The following KIAA1217 variants were observed in gnomAD, a reference collection of about 807,000 sequenced individuals.
KIAA1217 encodes the protein KIAA1217, also known as sickle tail protein homolog.
Under a neutral mutation model 163.9 loss-of-function variants are expected in KIAA1217, and 88 were observed. The observed-to-expected ratio is 0.54, with a 90% CI of 0.45 to 0.64. The LOEUF is 0.64. Ranked by LOEUF, KIAA1217 falls within the 30% of genes least tolerant of loss-of-function variation. The pLI is 0.00. For synonymous variants in KIAA1217, 903 were observed against 923.1 expected, an observed-to-expected ratio of 0.98 and a Z score of 0.39; for missense variants, 2,372 against 2,475.0, an observed-to-expected ratio of 0.96 and a Z score of 0.88.
intron 5 of KIAA1217, among the ~76,000 whole-genome samples, chr10:24,468,693 C>T (rs2063192687): frequency 6.6e-6 from 1 of 152,184 alleles, no homozygotes; most frequent in South Asian, 2.1e-4. Context: ...TCATGGCAAG[C>T]AGCCGTCCTC....
intron 2 of KIAA1217, among the ~76,000 whole-genome samples, chr10:24,113,309 G>C (rs559407283): frequency 2.0e-5 from 3 of 152,134 alleles, no homozygotes; most frequent in Admixed American, 6.5e-5. Flanking sequence ...TATAACTAAT[G>C]TGCCCAAGTC....
At chr10:24,255,608 G>A (rs1168724209) in intron 2 of KIAA1217, 1 of 447,162 alleles carries the variant, frequency 2.2e-6, no homozygotes, top group South Asian at 1.6e-5. Flanking sequence ...TACAGGAGTG[G>A]CCTGATTCTG....
chr10:23,998,278 T>A (rs989803811), intron 1 of KIAA1217, among the ~76,000 whole-genome samples: 1 of 152,202 alleles, frequency 6.6e-6, no homozygotes, highest in Non-Finnish European at 1.5e-5. Flanking sequence ...TCCTAAAATA[T>A]CTTTATTGTT....
At chr10:23,787,908 T>G (rs986049203) in intron 1 of KIAA1217, among the ~76,000 whole-genome samples, 3 of 152,054 alleles carry the variant, frequency 2.0e-5, no homozygotes, top group African/African-American at 7.2e-5. Context: ...CATAATTAAT[T>G]ATGGGGCTGG....
chr10:24,388,085 C>G (rs902599438), intron 3 of KIAA1217, among the ~76,000 whole-genome samples: 3 of 152,190 alleles, frequency 2.0e-5, no homozygotes, highest in Admixed American at 1.3e-4. Context: ...AAAAAAGAGG[C>G]TGTATAGCCA....
rs527324143 is a variant in KIAA1217, at chr10:24,523,965, TG to T, written c.2457-355del. On this transcript the variant is annotated intron_variant, in intron 12 of 20. Coordinates refer to ENST00000376454, the MANE Select transcript of KIAA1217 (RefSeq NM_019590.5). ...AGAGCAAACAGAAGGAATTAGAATGTGGGCGGCCCACCCAAGATGCTTGGCA... is the reference window on the plus strand; with the variant it reads ...AGAGCAAACAGAAGGAATTAGAATGTGGCGGCCCACCCAAGATGCTTGGCA... Among the ~76,000 whole-genome samples the T allele has an allele frequency of 3.0e-4, 45 of 152,268 alleles. No individual in the cohort carries two copies. The South Asian group carries it at 9.1e-3, about 31-fold the overall frequency.
Position 24,132,431 on chromosome 10 carries a change from G to A in KIAA1217, c.-170-87195G>A, listed in dbSNP as rs918592098. Among the ~76,000 whole-genome samples, 9 of 152,298 alleles carry A rather than the reference G, an allele frequency of 5.9e-5. No individual in the cohort carries two copies. The South Asian group carries it at 1.4e-3, about 25-fold the overall frequency. ...AGACCAAGTGTGTCCATTTCAGAGA[G>A]CTATAGCTACATATTGCCTATGAGA... On this transcript the variant is annotated intron_variant, in intron 2 of 18. Coordinates refer to the KIAA1217 transcript ENST00000376462.
rs746212861 is a variant in KIAA1217, at chr10:24,375,917, A to G, written c.355-4952A>G. Among the ~76,000 whole-genome samples, 8 of 152,216 alleles carry G rather than the reference A, an allele frequency of 5.3e-5. No individual in the cohort carries two copies. The East Asian group carries it at 1.3e-3, about 26-fold the overall frequency. The stretch of plus-strand genomic sequence containing the variant: ...TCATTTTCTGGACCTCGGCATTTCA[A>G]TTTAGGGTTTAAGGGTCTGAAAACG... On this transcript the variant is annotated intron_variant, in intron 2 of 20. Coordinates refer to ENST00000376454, the MANE Select transcript of KIAA1217 (RefSeq NM_019590.5).
chr10:24,387,706 T>G (rs1195707308), intron 3 of KIAA1217, among the ~76,000 whole-genome samples: 1 of 152,104 alleles, frequency 6.6e-6, no homozygotes, highest in Non-Finnish European at 1.5e-5. Flanking sequence ...TTCAGCAAAG[T>G]CTCAGGATAC....
intron 5 of KIAA1217, among the ~76,000 whole-genome samples, chr10:24,462,118 G>C (rs1303136038): frequency 6.6e-6 from 1 of 151,708 alleles, no homozygotes; most frequent in Non-Finnish European, 1.5e-5. Context: ...ATATAGTACT[G>C]AGTGATGTAT....
chr10:24,464,189 C>T (rs1388607144), intron 5 of KIAA1217, among the ~76,000 whole-genome samples: 1 of 152,170 alleles, frequency 6.6e-6, no homozygotes, highest in Non-Finnish European at 1.5e-5. Context: ...GTGAGCTTGG[C>T]GCTTGCTAAA....
chr10:24,333,366 T>C (rs977227777), intron 2 of KIAA1217, among the ~76,000 whole-genome samples: 5 of 152,160 alleles, frequency 3.3e-5, no homozygotes, highest in Non-Finnish European at 7.3e-5. Context: ...AATGGTTGCC[T>C]AGAAGGCCTA....
chr10:24,089,834 G>A (rs531539089), intron 2 of KIAA1217, among the ~76,000 whole-genome samples: 3,054 of 151,914 alleles, frequency 0.02, 58 homozygotes, highest in Middle Eastern at 0.071. Context: ...TCATGGATAG[G>A]AAGAATCAAT....
chr10:24,048,739 A>AT (rs201891229), intron 2 of KIAA1217, among the ~76,000 whole-genome samples: 5,124 of 150,384 alleles, frequency 0.034, 250 homozygotes, highest in African/African-American at 0.11. Context: ...CAAAAAAAAA[A>AT]AAAAATATAT....
At chr10:23,728,063 T>G (rs556577508) in intron 1 of KIAA1217, among the ~76,000 whole-genome samples, 15 of 152,324 alleles carry the variant, frequency 9.8e-5, no homozygotes, top group African/African-American at 3.4e-4. Context: ...GGCATTTGGG[T>G]TGGTTCCAAG....
At chr10:23,877,891 T>C (rs1840768680) in intron 1 of KIAA1217, among the ~76,000 whole-genome samples, 1 of 152,000 alleles carries the variant, frequency 6.6e-6, no homozygotes, top group Admixed American at 6.6e-5. Flanking sequence ...GCGAAAATGT[T>C]AATTTGCACC....
chr10:24,029,264 T>C (rs1209172738), intron 2 of KIAA1217, among the ~76,000 whole-genome samples: 1 of 152,150 alleles, frequency 6.6e-6, no homozygotes, highest in Non-Finnish European at 1.5e-5. Context: ...AGGAGGAACA[T>C]CAAACCTTTC....
intron 2 of KIAA1217, among the ~76,000 whole-genome samples, chr10:24,306,669 A>G (rs755758504): frequency 2.0e-5 from 3 of 152,222 alleles, no homozygotes. Context: ...GAGAAGTAAT[A>G]CTTTCAACAG....
chr10:24,313,716 G>A (rs1330678360), intron 2 of KIAA1217, among the ~76,000 whole-genome samples: 1 of 152,124 alleles, frequency 6.6e-6, no homozygotes, highest in East Asian at 1.9e-4. Context: ...AAACCACCTT[G>A]AGAGAGGTGA....
Sources: gnomAD v4.1 joint callset for allele counts (sites outside exome capture counted in the v4.1 genomes callset) on GRCh38, gnomAD v4.1.1 for gene constraint, MANE v1.5 for transcripts, NCBI Gene and HGNC (gene_info 2026-07-23, HGNC 2026-07-21) for gene names.